The following SDC2 variants were observed in gnomAD, a reference collection of about 807,000 sequenced individuals.
The protein encoded by SDC2 is syndecan 2, also known as syndecan-2.
In SDC2, 13 loss-of-function variants were observed where a neutral mutation model predicts 22.2. The observed-to-expected ratio is 0.59, with a 90% CI of 0.38 to 0.93. SDC2 has a LOEUF of 0.93. Among genes scored for constraint, SDC2 ranks in the 40% least tolerant of loss-of-function variants. The probability of loss-of-function intolerance (pLI) is 0.00; values close to 1 mark genes in which losing one functional copy is unlikely to be tolerated. For synonymous variants in SDC2, 94 were observed against 92.8 expected (o/e 1.01, Z -0.07); for missense variants, 235 against 246.8 (o/e 0.95, Z 0.32).
chr8:96,579,555 A>G (rs114025932), intron 1 of SDC2, among the ~76,000 whole-genome samples: 3,227 of 152,340 alleles, frequency 0.021, 110 homozygotes, highest in African/African-American at 0.074. Context: ...ACACAGGCTT[A>G]GAATTGATAC....
In SDC2 at chr8:96,498,057, A is replaced by G. The variant is rs114146985; in HGVS notation, c.60+3726A>G. Among the ~76,000 whole-genome samples, 1,160 of 152,320 alleles carry G rather than the reference A, an allele frequency of 7.6e-3. 15 individuals are homozygous for G. The highest frequency in any genetic ancestry group is 0.026 in the African/African-American group (1,065 of 41,570). On this transcript the variant is annotated intron_variant, in intron 1 of 4. Coordinates refer to ENST00000302190, the MANE Select transcript of SDC2 (RefSeq NM_002998.4). ...AACTTTTTTAGTCAACTGTGACAGTACTATCATTTTCATTCTAATCATTTG... is the reference window on the plus strand; with the variant it reads ...AACTTTTTTAGTCAACTGTGACAGTGCTATCATTTTCATTCTAATCATTTG...
intron 1 of SDC2, among the ~76,000 whole-genome samples, chr8:96,575,369 G>T (rs1217909577): frequency 6.7e-6 from 1 of 149,836 alleles, no homozygotes; most frequent in Non-Finnish European, 1.5e-5. Flanking sequence ...GGGGTGGTGG[G>T]GGTAGGGTGG....
intron 1 of SDC2, among the ~76,000 whole-genome samples, chr8:96,576,399 A>T (rs1210502636): frequency 1.3e-3 from 24 of 18,016 alleles, no homozygotes; most frequent in African/African-American, 1.6e-3. Flanking sequence ...TTTTTACCAG[A>T]TTTGCTTTAT....
At chr8:96,558,816 AAT>A (rs1231661686) in intron 1 of SDC2, among the ~76,000 whole-genome samples, 1 of 144,546 alleles carries the variant, frequency 6.9e-6, no homozygotes, top group Non-Finnish European at 1.5e-5. Context: ...ATCACATTTG[AAT>A]ATGTGTGTGT....
intron 1 of SDC2, 81 bp downstream of exon 1, chr8:96,494,412 G>C: frequency 7.4e-7 from 1 of 1,351,848 alleles, no homozygotes; most frequent in Non-Finnish European, 1.0e-6. Context: ...ATAGGGGAGC[G>C]CCACCTGGGG....
At chr8:96,538,274 A>C (rs1206874239) in intron 1 of SDC2, among the ~76,000 whole-genome samples, 1 of 152,164 alleles carries the variant, frequency 6.6e-6, no homozygotes, top group Admixed American at 6.5e-5. Context: ...CTTGTGTTAT[A>C]TATTGGGCTT....
chr8:96,589,657 C>T (rs2704262), intron 1 of SDC2, among the ~76,000 whole-genome samples: 22,951 of 152,246 alleles, frequency 0.15, 2,148 homozygotes, highest in South Asian at 0.3. Context: ...GTGATCCGCC[C>T]GCCTTGGCCT....
intron 1 of SDC2, among the ~76,000 whole-genome samples, chr8:96,527,774 C>T (rs1191880490): frequency 6.6e-6 from 1 of 152,094 alleles, no homozygotes; most frequent in Non-Finnish European, 1.5e-5. Flanking sequence ...TGTTAAGTTA[C>T]CAGAGAAAAT....
chr8:96,556,047 C>T (rs895293857), intron 1 of SDC2, among the ~76,000 whole-genome samples: 138 of 143,010 alleles, frequency 9.6e-4, no homozygotes, highest in African/African-American at 3.9e-3. Context: ...CACACACACA[C>T]ACACACACAT....
intron 1 of SDC2, among the ~76,000 whole-genome samples, chr8:96,523,956 G>A (rs1012853575): frequency 2.0e-5 from 3 of 152,162 alleles, no homozygotes; most frequent in Admixed American, 2.0e-4. Flanking sequence ...CACAATGGTG[G>A]TGTTGTTTTA....
At chr8:96,551,759 C>T (rs1487034670) in intron 1 of SDC2, among the ~76,000 whole-genome samples, 1 of 152,178 alleles carries the variant, frequency 6.6e-6, no homozygotes, top group Non-Finnish European at 1.5e-5. Context: ...TTTGGCAGGC[C>T]TCCATATTTT....
At chr8:96,570,393 T>C (rs1023748141) in intron 1 of SDC2, among the ~76,000 whole-genome samples, 6 of 152,224 alleles carry the variant, frequency 3.9e-5, no homozygotes, top group Non-Finnish European at 1.5e-5. Context: ...TTTATATGAT[T>C]GTATCACACT....
In SDC2 at chr8:96,610,477, G is replaced by A. The variant is rs1469055413; in HGVS notation, c.*929G>A. ...AAGTGCCTCTGATTCTATGTAACTT[G>A]TTGCAGACTGGTGTTAATGAGTATA... On this transcript the variant is annotated 3_prime_UTR_variant, in exon 5 of 5. Transcript: ENST00000302190. 6.6e-6 allele frequency: 1 copy of A among 152,492 alleles called. No homozygotes were observed. The highest frequency in any genetic ancestry group is 1.5e-5 in the Non-Finnish European group (1 of 68,024). The allele number at this position is 152,492 out of a possible 1,614,324, so 9.4% of individuals were successfully genotyped here.
rs142922177 is a variant in SDC2, at chr8:96,581,537, C to T, written c.61-11943C>T. Among the ~76,000 whole-genome samples, 202 of 152,032 alleles carry T rather than the reference C, an allele frequency of 1.3e-3. 4 individuals carry two copies. The East Asian group carries it at 0.03, about 22-fold the overall frequency. ...ATCCCAGCTACTTGAGAGGCTGAGACAGGAGAATCTCTTGAACCTGGGAGG... is the reference window on the plus strand; with the variant it reads ...ATCCCAGCTACTTGAGAGGCTGAGATAGGAGAATCTCTTGAACCTGGGAGG... On this transcript the variant is annotated intron_variant, in intron 1 of 4. Coordinates refer to ENST00000302190, the MANE Select transcript of SDC2 (RefSeq NM_002998.4).
intron 3 of SDC2, among the ~76,000 whole-genome samples, chr8:96,607,771 A>G (rs1041148257): frequency 6.6e-5 from 10 of 152,182 alleles, no homozygotes; most frequent in Non-Finnish European, 1.5e-4. Flanking sequence ...CTACTTGCGC[A>G]ATCCAAGTCC....
Position 96,592,212 on chromosome 8 carries a change from C to T in SDC2, c.61-1268C>T, listed in dbSNP as rs138468665. ...ACTGAGGCCTGGTGGAGAATGTGGG[C>T]TCAGGTTTAAAGTGCTTTAGCCTTG... On this transcript the variant is annotated intron_variant, in intron 1 of 4. Coordinates refer to ENST00000302190, the MANE Select transcript of SDC2 (RefSeq NM_002998.4). 2.6e-5 allele frequency among the ~76,000 whole-genome samples: 4 copies of T among 152,294 alleles called. No homozygotes were observed. In the East Asian group the frequency reaches 7.7e-4, roughly 29 times the overall value.
intron 3 of SDC2, among the ~76,000 whole-genome samples, chr8:96,607,866 G>A (rs762996541): frequency 6.6e-6 from 1 of 152,144 alleles, no homozygotes; most frequent in African/African-American, 2.4e-5. Flanking sequence ...GCTCCCCACA[G>A]AGTGGGGACA....
chr8:96,494,408 G>C, intron 1 of SDC2, 77 bp downstream of exon 1: 1 of 1,411,480 alleles, frequency 7.1e-7, no homozygotes, highest in South Asian at 1.3e-5. Context: ...GGGAATAGGG[G>C]AGCGCCACCT....
At chr8:96,578,738 A>T (rs945910381) in intron 1 of SDC2, among the ~76,000 whole-genome samples, 3 of 152,224 alleles carry the variant, frequency 2.0e-5, no homozygotes, top group Non-Finnish European at 2.9e-5. Context: ...GCCCTTGATC[A>T]GCTAGTGTTA....
Sources: allele counts gnomAD v4.1 joint callset (sites outside exome capture counted in the v4.1 genomes callset), GRCh38; gene constraint gnomAD v4.1.1; transcripts MANE v1.5; gene names NCBI Gene and HGNC (gene_info 2026-07-23, HGNC 2026-07-21).